Variants in EPHA4 observed in about 807,000 individuals in gnomAD.
EPHA4 encodes the protein ephrin type-A receptor 4.
In EPHA4, 19 loss-of-function variants were observed where a neutral mutation model predicts 108.3. The observed-to-expected ratio is 0.18, with a 90% confidence interval of 0.12 to 0.26. The LOEUF is 0.26. EPHA4 is among the 10% of genes least tolerant of loss of function. The pLI, the probability that EPHA4 is intolerant of heterozygous loss-of-function variation, is 1.00. For synonymous variants in EPHA4, 449 were observed against 455.5 expected (o/e 0.99, Z 0.18); for missense variants, 917 against 1,254.0 (o/e 0.73, Z 4.06).
At chr2:221,525,899 C>T in intron 3 of EPHA4, among the ~76,000 whole-genome samples, 1 of 150,112 alleles carries the variant, frequency 6.7e-6, no homozygotes, top group African/African-American at 2.5e-5. Context: ...TCTTTTATAA[C>T]TCTCTATTAG....
At chr2:221,498,562 A>G (rs573124463) in intron 4 of EPHA4, among the ~76,000 whole-genome samples, 44 of 152,130 alleles carry the variant, frequency 2.9e-4, no homozygotes, top group Non-Finnish European at 5.6e-4. Flanking sequence ...CTATGGAGGA[A>G]CAGGAAAGAA....
At chr2:221,427,775 G>A (rs1006620599) in intron 15 of EPHA4, among the ~76,000 whole-genome samples, 2 of 152,018 alleles carry the variant, frequency 1.3e-5, no homozygotes, top group African/African-American at 2.4e-5. Context: ...AAATTAAGTC[G>A]ATATAATGCT....
intron 4 of EPHA4, among the ~76,000 whole-genome samples, chr2:221,487,371 C>A (rs972293844): frequency 6.6e-6 from 1 of 152,128 alleles, no homozygotes; most frequent in South Asian, 2.1e-4. Context: ...TAACCAGCGA[C>A]GGCTGGGAAT....
intron 3 of EPHA4, among the ~76,000 whole-genome samples, chr2:221,540,033 C>T (rs1040217819): frequency 1.3e-5 from 2 of 152,156 alleles, no homozygotes; most frequent in African/African-American, 2.4e-5. Flanking sequence ...AATCCTCTCA[C>T]CACAGACTCC....
At chr2:221,429,772 A>G (rs771757177) in intron 15 of EPHA4, among the ~76,000 whole-genome samples, 186 bp downstream of exon 15, 4 of 152,174 alleles carry the variant, frequency 2.6e-5, no homozygotes, top group Non-Finnish European at 4.4e-5. Flanking sequence ...CCTGACAGGT[A>G]TTAGTTATTC....
intron 8 of EPHA4, among the ~76,000 whole-genome samples, chr2:221,450,208 C>T (rs576831952): frequency 3.3e-5 from 5 of 152,074 alleles, no homozygotes; most frequent in African/African-American, 9.7e-5. Flanking sequence ...CAGGGGTTCG[C>T]GACCAGCCTG....
chr2:221,534,681 T>C (rs1328577065), intron 3 of EPHA4, among the ~76,000 whole-genome samples: 3 of 152,200 alleles, frequency 2.0e-5, no homozygotes, highest in Non-Finnish European at 4.4e-5. Flanking sequence ...TTTGATTGGT[T>C]CTTCTTTGTT....
intron 5 of EPHA4, 30 bp downstream of exon 5, chr2:221,482,322 A>G: frequency 6.5e-7 from 1 of 1,535,516 alleles, no homozygotes; most frequent in Non-Finnish European, 8.9e-7. Context: ...ATACATTCAG[A>G]TCATACAATA....
At chr2:221,479,665 T>C (rs1374278113) in intron 5 of EPHA4, among the ~76,000 whole-genome samples, 2 of 152,230 alleles carry the variant, frequency 1.3e-5, no homozygotes. Context: ...CCTACATTAT[T>C]AATTTGCACT....
intron 14 of EPHA4, 49 bp downstream of exon 14, chr2:221,434,093 T>C: frequency 6.4e-7 from 1 of 1,573,124 alleles, no homozygotes; most frequent in Non-Finnish European, 8.6e-7. Context: ...AATGCAGAAC[T>C]TCCTGAATCT....
intron 5 of EPHA4, among the ~76,000 whole-genome samples, chr2:221,466,306 T>TA (rs1691312830): frequency 6.6e-6 from 1 of 152,212 alleles, no homozygotes; most frequent in South Asian, 2.1e-4. Context: ...ACTGAATTAT[T>TA]AACTGCTTAA....
intron 4 of EPHA4, among the ~76,000 whole-genome samples, chr2:221,498,302 G>T (rs1692363609): frequency 1.3e-5 from 2 of 152,186 alleles, no homozygotes; most frequent in Non-Finnish European, 2.9e-5. Flanking sequence ...GAAAGTAAGT[G>T]GGGGAGTACA....
At chr2:221,457,836 G>A (rs750997163) in intron 6 of EPHA4, 30 bp downstream of exon 6, 1 of 1,603,676 alleles carries the variant, frequency 6.2e-7, no homozygotes, top group Non-Finnish European at 8.5e-7. Context: ...AAGGAAGAAA[G>A]GAAAGGAGTG....
At chr2:221,559,229 C>A (rs1213614073) in intron 3 of EPHA4, among the ~76,000 whole-genome samples, 1 of 152,168 alleles carries the variant, frequency 6.6e-6, no homozygotes, top group Non-Finnish European at 1.5e-5. Flanking sequence ...AGGCTTGATT[C>A]TTACCTAGCT....
intron 3 of EPHA4, among the ~76,000 whole-genome samples, chr2:221,522,957 C>T (rs1424750479): frequency 5.3e-5 from 8 of 151,918 alleles, no homozygotes; most frequent in Middle Eastern, 3.4e-3. Context: ...TCACCATGTT[C>T]GCCAGGCTGG....
At chr2:221,465,800 T>C (rs1336484834) in intron 5 of EPHA4, among the ~76,000 whole-genome samples, 1 of 152,046 alleles carries the variant, frequency 6.6e-6, no homozygotes, top group Non-Finnish European at 1.5e-5. Context: ...AGCAAGAAAA[T>C]AAATTTCTAT....
At chr2:221,550,063 CT>C (rs1694113658) in intron 3 of EPHA4, among the ~76,000 whole-genome samples, 1 of 152,168 alleles carries the variant, frequency 6.6e-6, no homozygotes, top group Non-Finnish European at 1.5e-5. Flanking sequence ...AATGTGTCAT[CT>C]TTGCTGTTCA....
At chr2:221,551,520 T>C (rs1398830434) in intron 3 of EPHA4, among the ~76,000 whole-genome samples, 1 of 152,302 alleles carries the variant, frequency 6.6e-6, no homozygotes, top group African/African-American at 2.4e-5. Context: ...GATCTAACAA[T>C]GCTTTTTAAA....
chr2:221,462,720 G>GGAGTC (rs1363436928), intron 5 of EPHA4, among the ~76,000 whole-genome samples: 1 of 152,108 alleles, frequency 6.6e-6, no homozygotes, highest in Non-Finnish European at 1.5e-5. Flanking sequence ...AATTATAAAT[G>GGAGTC]GAGTCTCTGT....
Sources: gnomAD v4.1 joint callset for allele counts (sites outside exome capture counted in the v4.1 genomes callset) on GRCh38, gnomAD v4.1.1 for gene constraint, MANE v1.5 for transcripts, NCBI Gene and HGNC (gene_info 2026-07-23, HGNC 2026-07-21) for gene names.